The following FYCO1 variants were observed in gnomAD, a reference collection of about 807,000 sequenced individuals.
FYCO1 encodes FYVE and coiled-coil domain autophagy adaptor 1.
FYCO1 carries 122 observed loss-of-function variants against 165.1 expected under a neutral mutation model. The observed-to-expected ratio is 0.74, with a 90% CI of 0.64 to 0.86. The LOEUF (loss-of-function observed/expected upper bound fraction) is 0.86, where lower values mean the gene tolerates loss of function less well. FYCO1 is among the 40% of genes least tolerant of loss of function. The pLI, the probability that FYCO1 is intolerant of heterozygous loss-of-function variation, is 0.00. For synonymous variants in FYCO1, 648 were observed against 742.5 expected (o/e 0.87, Z 2.07); for missense variants, 1,702 against 1,810.3 (o/e 0.94, Z 1.09).
chr3:45,964,447 T>C lies in FYCO1; in HGVS notation c.3158A>G (p.Gln1053Arg). The change falls in exon 10 of 18, where the codon CAA becomes CGA. Residue 1053 changes from glutamine (Q) to arginine (R), a missense_variant. Coordinates refer to ENST00000296137, the MANE Select transcript of FYCO1 (RefSeq NM_024513.4). The surrounding 1 kb of genome is among the most constrained non-coding windows in gnomAD (Gnocchi z 4.1). ...EEAVEKLKAT[Q>R]ADMGEKLSCT... Reference sequence around the variant, plus strand: ...GCTCAGCTTCTCTCCCATGTCTGCTTGGGTGGCCTGGCACAGGACGTCAGG... The same window carrying C: ...GCTCAGCTTCTCTCCCATGTCTGCTCGGGTGGCCTGGCACAGGACGTCAGG... 1.2e-6 allele frequency: 2 copies of C among 1,613,980 alleles called. No homozygotes were observed. The highest frequency in any genetic ancestry group is 1.7e-6 in the Non-Finnish European group (2 of 1,179,886).
At position 45,959,571 on chromosome 3, in the gene FYCO1, G is replaced by A. The variant is rs1532071; in HGVS notation, c.3438-29C>T. 0.52 allele frequency: 831,633 copies of A among 1,605,812 alleles called. 221,253 individuals carry two copies. Among genetic ancestry groups the A allele is most frequent in the South Asian group, 0.7 (63,195 of 90,852 alleles). On this transcript the variant is annotated intron_variant, in intron 11 of 17. Transcript: ENST00000296137. ...GGACAAAACCACATTGGAAGAAAAG[G>A]AGAGAGAATCCATGAAAACAATAGG...
chr3:45,945,613 G>A (rs1173065364), intron 14 of FYCO1: 3 of 152,172 alleles, frequency 2.0e-5, no homozygotes, highest in South Asian at 4.1e-4. Context: ...CAGGAGCTAA[G>A]GCAAGGTTCC....
In FYCO1 at chr3:45,933,186, C is replaced by T. The variant is rs556807414; in HGVS notation, c.4041-1905G>A. On this transcript the variant is annotated intron_variant, in intron 15 of 17. Coordinates refer to ENST00000296137, the MANE Select transcript of FYCO1 (RefSeq NM_024513.4). ...TAAGATGCCTATTGTCTATAAGGCT[C>T]ATGTCACAGATGTGAATTCCACTGA... 2.0e-5 allele frequency among the ~76,000 whole-genome samples: 3 copies of T among 152,304 alleles called. No individual in the cohort carries two copies. In the South Asian group the frequency reaches 6.2e-4, roughly 32 times the overall value.
intron 2 of FYCO1, among the ~76,000 whole-genome samples, chr3:45,982,403 G>C (rs1458676274): frequency 2.6e-5 from 4 of 152,152 alleles, no homozygotes; most frequent in Admixed American, 2.0e-4. Flanking sequence ...CAGAGCACTT[G>C]GCCAAAGATC....
intron 16 of FYCO1, among the ~76,000 whole-genome samples, chr3:45,928,545 C>T (rs548755413): frequency 1.2e-4 from 18 of 152,212 alleles, no homozygotes; most frequent in Non-Finnish European, 2.5e-4. Context: ...GAGAGGGTGG[C>T]ACAGGGTGGA....
chr3:45,968,204 T>A lies in FYCO1; in HGVS notation c.1130A>T (p.Gln377Leu). 1 of 1,614,076 alleles carries A rather than the reference T, an allele frequency of 6.2e-7. No individual in the cohort carries two copies. Among genetic ancestry groups the A allele is most frequent in the South Asian group, 1.1e-5 (1 of 91,088 alleles). ...SFPGWLAMAQ[Q>L]KADTASDTKG... Reference sequence around the variant, plus strand: ...TGTGTCTGATGCCGTATCTGCCTTCTGCTGAGCCATGGCTAGCCAGCCTGG... The same window carrying A: ...TGTGTCTGATGCCGTATCTGCCTTCAGCTGAGCCATGGCTAGCCAGCCTGG... Residue 377 changes from glutamine (Q) to leucine (L), a missense_variant, in exon 8 of 18, where the codon CAG (glutamine) becomes CTG (leucine). Physicochemically the swap from Gln to Leu is moderately radical, Grantham distance 113 (BLOSUM62 -2). Coordinates refer to ENST00000296137, the MANE Select transcript of FYCO1 (RefSeq NM_024513.4).
At position 45,981,622 on chromosome 3, in the gene FYCO1, T is replaced by C; in HGVS notation, c.110A>G (p.Asp37Gly). Residue 37 changes from aspartate (D) to glycine (G), a missense_variant, in exon 3 of 18, where the codon GAT becomes GGT. By Grantham distance (94) the Asp-to-Gly change is moderately conservative. Coordinates refer to ENST00000296137, the MANE Select transcript of FYCO1 (RefSeq NM_024513.4). ...EFQEAGEPITDDSTSLHKFSY... is the reference protein window; with the variant it reads ...EFQEAGEPITGDSTSLHKFSY... ...AAATTTATGCAAGCTGGTGCTGTCA[T>C]CCGTGATGGGTTCCCCTGCTTCCTG... The C allele has an allele frequency of 6.2e-7, 1 of 1,614,098 alleles. No homozygotes were observed. The highest frequency in any genetic ancestry group is 8.5e-7 in the Non-Finnish European group (1 of 1,179,906).
At chr3:45,984,794 G>A in intron 2 of FYCO1, 62 bp downstream of exon 2, 1 of 1,551,910 alleles carries the variant, frequency 6.4e-7, no homozygotes, top group South Asian at 1.1e-5. Flanking sequence ...ACTGGCAACA[G>A]CAAAAAGCCC....
At chr3:45,975,749 T>G (rs1479729410) in intron 4 of FYCO1, among the ~76,000 whole-genome samples, 1 of 152,150 alleles carries the variant, frequency 6.6e-6, no homozygotes, top group Non-Finnish European at 1.5e-5. Flanking sequence ...GGTAGGTAAG[T>G]GAAGCACTTC....
At chr3:45,949,506 C>T (rs1704859728) in intron 14 of FYCO1, among the ~76,000 whole-genome samples, 1 of 152,180 alleles carries the variant, frequency 6.6e-6, no homozygotes, top group African/African-American at 2.4e-5. Flanking sequence ...AGAATGCAGG[C>T]TCTGGGCTCA....
intron 14 of FYCO1, chr3:45,947,187 G>C: frequency 6.2e-7 from 1 of 1,614,156 alleles, no homozygotes; most frequent in Non-Finnish European, 8.5e-7. Context: ...CATCTTCCTG[G>C]TGATGGCTGT....
chr3:45,943,708 T>C (rs1321982585), intron 14 of FYCO1, among the ~76,000 whole-genome samples: 1 of 152,214 alleles, frequency 6.6e-6, no homozygotes, highest in African/African-American at 2.4e-5. Flanking sequence ...TTTGCTGCTG[T>C]GTGGGTTAAA....
intron 16 of FYCO1, among the ~76,000 whole-genome samples, chr3:45,926,059 TA>T (rs1286878625): frequency 3.3e-5 from 5 of 152,154 alleles, no homozygotes. Context: ...GAGACAGGAA[TA>T]GGGTGAGCCC....
At chr3:45,928,011 C>A (rs1703403553) in intron 16 of FYCO1, among the ~76,000 whole-genome samples, 1 of 152,236 alleles carries the variant, frequency 6.6e-6, no homozygotes. Flanking sequence ...TTCATTCCAG[C>A]TGTTTTTCAT....
chr3:45,925,527 C>A (rs569710324), intron 16 of FYCO1, among the ~76,000 whole-genome samples: 3 of 152,164 alleles, frequency 2.0e-5, no homozygotes, highest in Non-Finnish European at 4.4e-5. Context: ...TACAAAATGA[C>A]TGAATCCAAA....
chr3:45,939,930 G>A (rs1288795357), intron 14 of FYCO1, among the ~76,000 whole-genome samples: 1 of 152,308 alleles, frequency 6.6e-6, no homozygotes, highest in East Asian at 1.9e-4. Context: ...TAGCCACCTG[G>A]ACTGGTGGCC....
intron 11 of FYCO1, among the ~76,000 whole-genome samples, chr3:45,960,913 T>C (rs1006482200): frequency 6.6e-6 from 1 of 152,192 alleles, no homozygotes; most frequent in Non-Finnish European, 1.5e-5. Flanking sequence ...TCGGTTAGTC[T>C]TGGTGGGGCC....
intron 11 of FYCO1, among the ~76,000 whole-genome samples, chr3:45,961,975 G>T (rs544676949): frequency 6.6e-6 from 1 of 152,158 alleles, no homozygotes; most frequent in African/African-American, 2.4e-5. Context: ...GCCCAGCTGT[G>T]TCCTCAGTTT....
rs747868048 is a variant in FYCO1, at chr3:45,967,632, C to G, written c.1702G>C (p.Gly568Arg). 6.2e-7 allele frequency: 1 copy of G among 1,613,962 alleles called. No homozygotes were observed. Among genetic ancestry groups the G allele is most frequent in the Non-Finnish European group, 8.5e-7 (1 of 1,180,034 alleles). The stretch of plus-strand genomic sequence containing the variant: ...GGGACCAGGGCCTCATTCTTCTCAC[C>G]TGCCACTGGCAGTTCTGGGCCAGGC... ...GPPGPELPVAGEKNEALVPVN... is the reference protein window; with the variant it reads ...GPPGPELPVAREKNEALVPVN... The change falls in exon 8 of 18, where the codon GGT becomes CGT. Residue 568 changes from glycine to arginine, a missense_variant. By Grantham distance (125) the Gly-to-Arg change is moderately radical. Coordinates refer to ENST00000296137, the MANE Select transcript of FYCO1 (RefSeq NM_024513.4).
Sources: allele counts gnomAD v4.1 joint callset (sites outside exome capture counted in the v4.1 genomes callset), GRCh38; gene constraint gnomAD v4.1.1; non-coding constraint Gnocchi (gnomAD v3.1); transcripts MANE v1.5; gene names NCBI Gene and HGNC (gene_info 2026-07-23, HGNC 2026-07-21).